TRAPPC9: variants seen among roughly 807,000 people sequenced by gnomAD.
The protein encoded by TRAPPC9 is trafficking protein particle complex subunit 9.
TRAPPC9 carries 83 observed loss-of-function variants against 124.0 expected under a neutral mutation model. The ratio of observed to expected loss-of-function variants is 0.67; its 90% CI spans 0.56 to 0.80. TRAPPC9 has a LOEUF of 0.80. TRAPPC9 is among the 30% of genes least tolerant of loss of function. TRAPPC9 has a pLI of 0.00. For synonymous variants in TRAPPC9, 638 were observed against 617.5 expected (o/e 1.03, Z -0.49); for missense variants, 1,302 against 1,508.3 (o/e 0.86, Z 2.27).
intron 21 of TRAPPC9, among the ~76,000 whole-genome samples, chr8:139,784,644 T>A (rs1050355946): frequency 3.8e-5 from 5 of 131,810 alleles, no homozygotes; most frequent in African/African-American, 1.1e-4. Flanking sequence ...TATATATATA[T>A]AAATCAACTG....
intron 12 of TRAPPC9, among the ~76,000 whole-genome samples, chr8:140,288,739 A>C (rs1238106625): frequency 6.6e-6 from 1 of 152,238 alleles, no homozygotes; most frequent in Non-Finnish European, 1.5e-5. Context: ...TTTAGCAATA[A>C]GCAATTGGGT....
rs527394615 is a variant in TRAPPC9 at position 140,005,750 on chromosome 8, A to G, written c.2700-16914T>C. On this transcript the variant is annotated intron_variant, in intron 18 of 22. Coordinates refer to ENST00000438773, the MANE Select transcript of TRAPPC9 (RefSeq NM_001160372.4). Reference sequence around the variant, plus strand: ...ACTCACTAAAAGACATTAAGAAAATAGGGGGAAAGGTCTTAGCCAGCCATG... The same window carrying G: ...ACTCACTAAAAGACATTAAGAAAATGGGGGGAAAGGTCTTAGCCAGCCATG... Among the ~76,000 whole-genome samples the G allele has an allele frequency of 1.1e-4, 16 of 152,084 alleles. No individual in the cohort carries two copies. The South Asian group carries it at 3.3e-3, about 32-fold the overall frequency.
At chr8:140,147,983 C>G (rs576357149) in intron 17 of TRAPPC9, among the ~76,000 whole-genome samples, 3 of 152,338 alleles carry the variant, frequency 2.0e-5, no homozygotes, top group African/African-American at 7.2e-5. Context: ...TTCTCCTGCT[C>G]GAGAAACACT....
At chr8:140,031,168 T>C (rs1287023563) in intron 17 of TRAPPC9, among the ~76,000 whole-genome samples, 1 of 152,218 alleles carries the variant, frequency 6.6e-6, no homozygotes, top group East Asian at 1.9e-4. Context: ...AGGCTTCAGA[T>C]GGAGACTTAA....
intron 15 of TRAPPC9, among the ~76,000 whole-genome samples, chr8:140,270,473 C>G (rs1320506570): frequency 6.6e-6 from 1 of 152,166 alleles, no homozygotes; most frequent in Non-Finnish European, 1.5e-5. Context: ...CTGCTATGTG[C>G]CAGGCCCTGG....
At chr8:140,126,354 A>G (rs1418669614) in intron 17 of TRAPPC9, among the ~76,000 whole-genome samples, 1 of 152,054 alleles carries the variant, frequency 6.6e-6, no homozygotes, top group African/African-American at 2.4e-5. Flanking sequence ...TCCATTTCAG[A>G]ACCAGACTCT....
intron 17 of TRAPPC9, among the ~76,000 whole-genome samples, chr8:140,106,433 A>AT (rs2060667263): frequency 6.6e-6 from 1 of 152,248 alleles, no homozygotes; most frequent in Admixed American, 6.5e-5. Context: ...AAGTTCACAC[A>AT]ACATCAGTCA....
intron 21 of TRAPPC9, among the ~76,000 whole-genome samples, chr8:139,818,302 A>G (rs1824999645): frequency 6.6e-6 from 1 of 152,184 alleles, no homozygotes; most frequent in South Asian, 2.1e-4. Flanking sequence ...CAGGCCTGGC[A>G]TGGTAGCTCA....
chr8:139,887,867 A>T (rs1024655831), intron 20 of TRAPPC9, among the ~76,000 whole-genome samples: 2 of 152,232 alleles, frequency 1.3e-5, no homozygotes, highest in African/African-American at 4.8e-5. Flanking sequence ...CCTGATGAAT[A>T]AATGAACACT....
intron 17 of TRAPPC9, among the ~76,000 whole-genome samples, chr8:140,048,433 G>C (rs920369892): frequency 6.6e-6 from 1 of 152,082 alleles, no homozygotes; most frequent in Non-Finnish European, 1.5e-5. Flanking sequence ...GTCGGGGTGA[G>C]GGCAACATTT....
chr8:140,229,715 A>G (rs1395929784), intron 16 of TRAPPC9, among the ~76,000 whole-genome samples: 1 of 151,514 alleles, frequency 6.6e-6, no homozygotes, highest in African/African-American at 2.4e-5. Flanking sequence ...ACGCCACCAC[A>G]CCCAGCTAAT....
chr8:140,229,302 G>A (rs369707607), intron 16 of TRAPPC9, among the ~76,000 whole-genome samples: 5 of 117,292 alleles, frequency 4.3e-5, no homozygotes, highest in African/African-American at 1.0e-4. Context: ...TCTCTCTGTC[G>A]CCCAGGCTGG....
chr8:139,808,497 A>G (rs992984172), intron 21 of TRAPPC9, among the ~76,000 whole-genome samples: 4 of 152,224 alleles, frequency 2.6e-5, no homozygotes, highest in Admixed American at 1.3e-4. Context: ...TTTTTAAAAT[A>G]TATCACAACC....
At chr8:140,187,457 G>A (rs981634985) in intron 17 of TRAPPC9, among the ~76,000 whole-genome samples, 13 of 152,320 alleles carry the variant, frequency 8.5e-5, no homozygotes, top group African/African-American at 3.1e-4. Context: ...GTCCCACATG[G>A]CTGAGACTCA....
At chr8:140,030,313 T>A (rs1840423764) in intron 17 of TRAPPC9, among the ~76,000 whole-genome samples, 2 of 152,170 alleles carry the variant, frequency 1.3e-5, no homozygotes, top group African/African-American at 2.4e-5. Flanking sequence ...GGCATACATG[T>A]TGGAAAGGAA....
At chr8:139,991,979 T>G (rs1384006229) in intron 18 of TRAPPC9, among the ~76,000 whole-genome samples, 1 of 152,140 alleles carries the variant, frequency 6.6e-6, no homozygotes, top group Non-Finnish European at 1.5e-5. Flanking sequence ...TTCATGGCTA[T>G]TATACTCCTG....
intron 9 of TRAPPC9, among the ~76,000 whole-genome samples, chr8:140,346,373 T>C (rs766199276): frequency 8.5e-5 from 13 of 152,144 alleles, no homozygotes; most frequent in African/African-American, 3.1e-4. Context: ...GCAGAAAGGA[T>C]GTAAAGGGAG....
chr8:139,730,039 T>C lies in TRAPPC9; in HGVS notation c.*1022A>G, dbSNP rs1222718497. On this transcript the variant is annotated 3_prime_UTR_variant, in exon 23 of 23. Transcript: ENST00000438773. ...TGGCCCTCAAGGGAGATGTGAGCCG[T>C]GTGCTTTCTCTCTCCGGTCCTCCCT... Among the ~76,000 whole-genome samples, 6 of 152,108 alleles carry C rather than the reference T, an allele frequency of 3.9e-5. No homozygotes were observed. The highest frequency in any genetic ancestry group is 1.5e-5 in the Non-Finnish European group (1 of 68,006).
rs140113627 is a variant in TRAPPC9, at chr8:139,905,426, G to A, written c.2964+4721C>T. On this transcript the variant is annotated intron_variant, in intron 20 of 22. Transcript: ENST00000438773. ...CAGCAGAAGCCCTCCAACCTGGCGT[G>A]TGCGTGACAGGAAGGGACACAGGGA... Among the ~76,000 whole-genome samples the A allele has an allele frequency of 5.0e-4, 76 of 152,352 alleles. 1 individual carries two copies. The highest frequency in any genetic ancestry group is 1.7e-3 in the African/African-American group (72 of 41,584).
Sources: allele counts gnomAD v4.1 joint callset (sites outside exome capture counted in the v4.1 genomes callset), GRCh38; gene constraint gnomAD v4.1.1; transcripts MANE v1.5; gene names NCBI Gene and HGNC (gene_info 2026-07-23, HGNC 2026-07-21).